Variants in NRL observed in about 807,000 individuals in gnomAD.
The protein encoded by NRL is neural retina-specific leucine zipper protein.
A neutral mutation model predicts 12.5 loss-of-function variants in NRL; 16 were observed. That is an observed-to-expected ratio of 1.28 (90% CI 0.87 to 1.95). The LOEUF (loss-of-function observed/expected upper bound fraction) is 1.95. Among genes scored for constraint, NRL ranks in the 30% most tolerant of loss-of-function variants. NRL has a pLI of 0.00. For synonymous variants in NRL, 142 were observed against 150.9 expected (o/e 0.94, Z 0.43); for missense variants, 314 against 325.8 (o/e 0.96, Z 0.28).
chr14:24,100,357 C>A (rs760828758), intron 1 of NRL: 18 of 1,461,124 alleles, frequency 1.2e-5, no homozygotes, highest in Non-Finnish European at 1.5e-5. Context: ...CAGTCCCAGG[C>A]AAAATCTCAG....
rs2036310724 is a variant in NRL, at chr14:24,081,667, C to T, written c.382-99G>A. The T allele has an allele frequency of 2.0e-6, 3 of 1,530,366 alleles. No individual in the cohort carries two copies. Among genetic ancestry groups the T allele is most frequent in the Non-Finnish European group, 2.6e-6 (3 of 1,138,516 alleles). 94.8% of individuals were successfully genotyped at this position (1,530,366 alleles called of 1,614,324 possible). On this transcript the variant is annotated intron_variant, in intron 2 of 2. Transcript: ENST00000561028. This position sits in a 1 kb window ranked among gnomAD's most constrained non-coding sequence, Gnocchi z 4.4. ...CTGGCTCCGCCCCGGGACAGCCCCGCCCCGGCTCCCACCTTCACCGGAAGG... is the reference window on the plus strand; with the variant it reads ...CTGGCTCCGCCCCGGGACAGCCCCGTCCCGGCTCCCACCTTCACCGGAAGG...
rs746383047 is a variant in NRL at position 24,098,399 on chromosome 14, AG to A, written c.-27-15525del. 2.5e-6 allele frequency: 4 copies of A among 1,611,102 alleles called. No homozygotes were observed. The South Asian group carries it at 4.4e-5, about 18-fold the overall frequency. On this transcript the variant is annotated intron_variant, in intron 1 of 2. Coordinates refer to ENST00000561028, the MANE Select transcript of NRL (RefSeq NM_001354768.3). ...AGGCTGCATGCAGGGTAACCAGGGC[AG>A]GGGCACAGTGGCAAGGGCACGGAAG...
At chr14:24,082,955 C>T (rs1400365110) in intron 1 of NRL, 80 bp from the exon 2 acceptor site, 2 of 1,386,340 alleles carry the variant, frequency 1.4e-6, no homozygotes, top group East Asian at 2.3e-5. Context: ...TCCCTCAAAG[C>T]CCAAGTGCCC....
chr14:24,106,743 T>TTTAA (rs2138989015), intron 1 of NRL, among the ~76,000 whole-genome samples: 1 of 150,952 alleles, frequency 6.6e-6, no homozygotes, highest in South Asian at 2.1e-4. Context: ...AATAAATAAA[T>TTTAA]AAATTTAAAA....
At chr14:24,102,879 G>A (rs760474897) in intron 1 of NRL, 53 of 1,613,380 alleles carry the variant, frequency 3.3e-5, no homozygotes, top group East Asian at 6.7e-5. Context: ...TTTGGTGGCC[G>A]CAGACCCAAA....
At chr14:24,101,795 C>G (rs1387097622) in intron 1 of NRL, among the ~76,000 whole-genome samples, 1 of 152,070 alleles carries the variant, frequency 6.6e-6, no homozygotes, top group Non-Finnish European at 1.5e-5. Flanking sequence ...GTGGCTCATG[C>G]CTGTAATCCC....
In NRL at chr14:24,085,884, G is replaced by T. The variant is rs2036454438; in HGVS notation, c.-27-3009C>A. ...TACTGAGTCAGAAACTCCGGGGGTG[G>T]GGCCCAGAAATCTGTGTTTTAAGGC... On this transcript the variant is annotated intron_variant, in intron 1 of 2. Transcript: ENST00000561028. The surrounding 1 kb of genome is among the most constrained non-coding windows in gnomAD (Gnocchi z 4.1). Among the ~76,000 whole-genome samples the T allele has an allele frequency of 6.6e-6, 1 of 152,154 alleles. No individual in the cohort carries two copies. The highest frequency in any genetic ancestry group is 2.4e-5 in the African/African-American group (1 of 41,424).
In NRL at chr14:24,080,738, T is replaced by C. The variant is rs1348016792; in HGVS notation, c.*498A>G. The C allele has an allele frequency of 6.6e-6, 1 of 152,634 alleles. No individual in the cohort carries two copies. Among genetic ancestry groups the C allele is most frequent in the Non-Finnish European group, 1.5e-5 (1 of 68,210 alleles). 9.5% of individuals were successfully genotyped at this position (152,634 alleles called of 1,614,324 possible). A position where few individuals can be genotyped will look rare whatever the true frequency, so the allele number is the denominator to read the frequency against. On this transcript the variant is annotated 3_prime_UTR_variant, in exon 3 of 3. Transcript: ENST00000561028. Reference sequence around the variant, plus strand: ...TTGGGCAGGGAAAAAGCATCTCGGATAGAGGTCCTAATCTATCTAGTTGTT... The same window carrying C: ...TTGGGCAGGGAAAAAGCATCTCGGACAGAGGTCCTAATCTATCTAGTTGTT...
intron 1 of NRL, among the ~76,000 whole-genome samples, chr14:24,109,906 G>T (rs1287336672): frequency 6.6e-6 from 1 of 151,982 alleles, no homozygotes; most frequent in Non-Finnish European, 1.5e-5. Context: ...TTTTATTCAG[G>T]TTTAAACTAA....
chr14:24,094,805 C>T lies in NRL; in HGVS notation c.-27-11930G>A, dbSNP rs1252299154. The T allele has an allele frequency of 7.4e-7, 1 of 1,350,924 alleles. No individual in the cohort carries two copies. Among genetic ancestry groups the T allele is most frequent in the Non-Finnish European group, 9.7e-7 (1 of 1,029,232 alleles). 83.7% of individuals were successfully genotyped at this position (1,350,924 alleles called of 1,614,324 possible). The stretch of plus-strand genomic sequence containing the variant: ...CCTCTAACGGGCTCTCAGCCAGCGC[C>T]CCAGGGTACTTCGAGAGGCAGCAGG... On this transcript the variant is annotated intron_variant, in intron 1 of 2. Transcript: ENST00000561028. This position sits in a 1 kb window ranked among gnomAD's most constrained non-coding sequence, Gnocchi z 4.1.
At chr14:24,102,065 A>G (rs2037182217) in intron 1 of NRL, among the ~76,000 whole-genome samples, 1 of 151,872 alleles carries the variant, frequency 6.6e-6, no homozygotes, top group South Asian at 2.1e-4. Context: ...ATCTCTATTA[A>G]AAATACAAAA....
intron 1 of NRL, among the ~76,000 whole-genome samples, chr14:24,111,038 G>A (rs2037410295): frequency 6.6e-6 from 1 of 152,224 alleles, no homozygotes; most frequent in Admixed American, 6.5e-5. Context: ...CTGGAGTACA[G>A]TGGAGCAATC....
rs1460396426 is a variant in NRL, at chr14:24,114,823, C to T, written c.-129G>A. On this transcript the variant is annotated 5_prime_UTR_variant, in exon 1 of 3. Coordinates refer to ENST00000561028, the MANE Select transcript of NRL (RefSeq NM_001354768.3). Reference sequence around the variant, plus strand: ...GGCCAGGAAGCCGCGAGATGCGTGACGAGCGAAGCGCGTGACGGAGGAGCG... The same window carrying T: ...GGCCAGGAAGCCGCGAGATGCGTGATGAGCGAAGCGCGTGACGGAGGAGCG... 4 of 985,844 alleles carry T rather than the reference C, an allele frequency of 4.1e-6. No individual in the cohort carries two copies. The highest frequency in any genetic ancestry group is 1.7e-5 in the African/African-American group (1 of 57,260). 61.1% of individuals were successfully genotyped at this position (985,844 alleles called of 1,614,324 possible). A position where few individuals can be genotyped will look rare whatever the true frequency, so the allele number is the denominator to read the frequency against.
At chr14:24,095,354 C>A (rs2036821364) in intron 1 of NRL, 1 of 410,808 alleles carries the variant, frequency 2.4e-6, no homozygotes, top group Admixed American at 2.6e-5. Context: ...CGGAGAACTT[C>A]CCTCTGAGGC....
intron 1 of NRL, chr14:24,103,392 C>A: frequency 8.5e-7 from 1 of 1,175,794 alleles, no homozygotes; most frequent in Non-Finnish European, 1.2e-6. Flanking sequence ...ATCTTTTCCC[C>A]ATCCCTGAAG....
At position 24,082,119 on chromosome 14, in the gene NRL, A is replaced by G. The variant is rs1451012487; in HGVS notation, c.381+349T>C. ...GGCCAATCTAAACCAGTCTTAACCC[A>G]GCTCCACTCCACACATAACCCTTTC... On this transcript the variant is annotated intron_variant, in intron 2 of 2. Coordinates refer to ENST00000561028, the MANE Select transcript of NRL (RefSeq NM_001354768.3). The G allele has an allele frequency of 2.4e-6, 3 of 1,235,282 alleles. No individual in the cohort carries two copies. The East Asian group carries it at 1.2e-4, about 49-fold the overall frequency. The allele number at this position is 1,235,282 out of a possible 1,614,324, so 76.5% of individuals were successfully genotyped here. A position where few individuals can be genotyped will look rare whatever the true frequency, so the allele number is the denominator to read the frequency against.
In NRL at chr14:24,111,608, C is replaced by T. The variant is rs190954706; in HGVS notation, c.-28+3114G>A. On this transcript the variant is annotated intron_variant, in intron 1 of 2. Transcript: ENST00000561028. ...TCTCGAACTCCTGACCTCAGGTGATCCACCCGCCTTGGCCTCCCAAAGTGC... is the reference window on the plus strand; with the variant it reads ...TCTCGAACTCCTGACCTCAGGTGATTCACCCGCCTTGGCCTCCCAAAGTGC... Among the ~76,000 whole-genome samples the T allele has an allele frequency of 4.9e-3, 748 of 152,034 alleles. 5 individuals carry two copies. The highest frequency in any genetic ancestry group is 0.016 in the African/African-American group (676 of 41,422).
chr14:24,099,814 A>G, intron 1 of NRL: 3 of 1,514,086 alleles, frequency 2.0e-6, no homozygotes, highest in Non-Finnish European at 2.8e-6. Context: ...TCAGTGAGAA[A>G]GTTTCCTGAA....
chr14:24,111,649 G>C (rs974800124), intron 1 of NRL, among the ~76,000 whole-genome samples: 2 of 152,106 alleles, frequency 1.3e-5, no homozygotes, highest in African/African-American at 4.8e-5. Context: ...TTACAGGCGT[G>C]AGCCACCGCG....
Sources: allele counts gnomAD v4.1 joint callset (sites outside exome capture counted in the v4.1 genomes callset), GRCh38; gene constraint gnomAD v4.1.1; non-coding constraint Gnocchi (gnomAD v3.1); transcripts MANE v1.5; gene names NCBI Gene and HGNC (gene_info 2026-07-23, HGNC 2026-07-21).